Variants in DCHS2 observed in about 807,000 individuals in gnomAD.
DCHS2 encodes dachsous cadherin-related 2, also known as protocadherin-23.
In DCHS2, 142 loss-of-function variants were observed where a neutral mutation model predicts 182.4. The observed-to-expected ratio is 0.78, with a 90% confidence interval of 0.68 to 0.89. The LOEUF is 0.89. Among genes scored for constraint, DCHS2 ranks in the 40% least tolerant of loss-of-function variants. The pLI, the probability that DCHS2 is intolerant of heterozygous loss-of-function variation, is 0.00. For missense variants in DCHS2, 4,319 were observed against 4,198.6 expected (o/e 1.03, Z -0.79); for synonymous variants, 1,740 against 1,663.3 (o/e 1.05, Z -1.12).
intron 1 of DCHS2, among the ~76,000 whole-genome samples, chr4:154,433,663 G>C (rs1402247746): frequency 6.6e-6 from 1 of 152,024 alleles, no homozygotes; most frequent in Non-Finnish European, 1.5e-5. Flanking sequence ...CAAAGTGCTG[G>C]GATTACAGGC....
intron 10 of DCHS2, among the ~76,000 whole-genome samples, chr4:154,313,988 A>G (rs888002958): frequency 1.3e-5 from 2 of 152,206 alleles, no homozygotes; most frequent in African/African-American, 4.8e-5. Flanking sequence ...GACAGTAAAA[A>G]TCAGAAGAAT....
chr4:154,461,699 G>C (rs1026948176), intron 1 of DCHS2, among the ~76,000 whole-genome samples: 22 of 152,138 alleles, frequency 1.4e-4, no homozygotes, highest in African/African-American at 5.1e-4. Context: ...TGTATTGTAA[G>C]AAGGGATAAA....
intron 10 of DCHS2, among the ~76,000 whole-genome samples, chr4:154,313,912 C>A (rs1475428129): frequency 6.6e-6 from 1 of 152,044 alleles, no homozygotes; most frequent in Non-Finnish European, 1.5e-5. Context: ...AGTTTCAATT[C>A]AATTATAATT....
intron 1 of DCHS2, among the ~76,000 whole-genome samples, chr4:154,476,872 G>C (rs1443087686): frequency 6.6e-6 from 1 of 152,172 alleles, no homozygotes; most frequent in African/African-American, 2.4e-5. Flanking sequence ...GTGTTTATAA[G>C]ATGGGAACTT....
chr4:154,285,127 G>A (rs114856765), intron 13 of DCHS2, among the ~76,000 whole-genome samples: 2 of 151,972 alleles, frequency 1.3e-5, no homozygotes, highest in African/African-American at 4.8e-5. Flanking sequence ...CACACCCTGG[G>A]CCAGAAAGAA....
intron 13 of DCHS2, among the ~76,000 whole-genome samples, chr4:154,275,590 G>A (rs1733818027): frequency 6.6e-6 from 1 of 151,978 alleles, no homozygotes. Flanking sequence ...AGTACAATAT[G>A]TTTTATCCCC....
At chr4:154,251,980 T>A (rs1276734215) in intron 16 of DCHS2, among the ~76,000 whole-genome samples, 1 of 152,228 alleles carries the variant, frequency 6.6e-6, no homozygotes, top group Non-Finnish European at 1.5e-5. Context: ...AATTTTCTTC[T>A]ATGTGGCTTA....
intron 1 of DCHS2, among the ~76,000 whole-genome samples, chr4:154,456,872 G>A (rs1734790987): frequency 6.6e-6 from 1 of 152,042 alleles, no homozygotes; most frequent in East Asian, 1.9e-4. Context: ...GCTATAAGTA[G>A]GTAAACTGTT....
intron 1 of DCHS2, among the ~76,000 whole-genome samples, chr4:154,421,612 C>T (rs1321721052): frequency 6.6e-6 from 1 of 152,134 alleles, no homozygotes; most frequent in East Asian, 1.9e-4. Context: ...CCAGGCTGGT[C>T]TCGAACTCCT....
At chr4:154,342,033 GCTTTATTCC>G (rs1729135255) in intron 3 of DCHS2, among the ~76,000 whole-genome samples, 7 of 151,946 alleles carry the variant, frequency 4.6e-5, no homozygotes, top group Admixed American at 4.6e-4. Context: ...GGTACTGTGG[GCTTTATTCC>G]AGACCACTGC....
intron 1 of DCHS2, among the ~76,000 whole-genome samples, chr4:154,488,082 G>A (rs528814156): frequency 6.6e-5 from 10 of 152,174 alleles, no homozygotes; most frequent in Non-Finnish European, 1.5e-4. Context: ...GGAGACTGAG[G>A]TGGGAGAATC....
chr4:154,253,213 T>C (rs928157067), intron 16 of DCHS2, among the ~76,000 whole-genome samples: 2 of 150,136 alleles, frequency 1.3e-5, no homozygotes, highest in African/African-American at 5.0e-5. Flanking sequence ...GTGTGTGTTG[T>C]TACCTGTGTG....
intron 1 of DCHS2, among the ~76,000 whole-genome samples, chr4:154,400,739 G>A (rs1461186607): frequency 1.3e-5 from 2 of 152,102 alleles, no homozygotes; most frequent in Non-Finnish European, 2.9e-5. Context: ...ACTCATGCTA[G>A]CTACAAAATC....
rs1251499531 is a variant in DCHS2, at chr4:154,233,546, G to C, written c.*990C>G. 4 of 152,094 alleles carry C rather than the reference G, an allele frequency of 2.6e-5. No homozygotes were observed. The highest frequency in any genetic ancestry group is 4.4e-5 in the Non-Finnish European group (3 of 68,008). The allele number at this position is 152,094 out of a possible 1,614,324, so 9.4% of individuals were successfully genotyped here. On this transcript the variant is annotated 3_prime_UTR_variant, in exon 20 of 20. Transcript: ENST00000357232. The stretch of plus-strand genomic sequence containing the variant: ...AATTACTCTATGAGATTTATCATTA[G>C]CTAATGACATGATTTTTATCTACAC...
intron 3 of DCHS2, chr4:154,355,778 C>T (rs1165840667): frequency 6.6e-6 from 1 of 151,966 alleles, no homozygotes; most frequent in East Asian, 1.9e-4. Flanking sequence ...CATAATAGTC[C>T]TAATGTCATA....
Position 154,320,515 on chromosome 4 carries a change from G to A in DCHS2, c.4884C>T (p.Val1628=). The A allele has an allele frequency of 6.2e-7, 1 of 1,614,026 alleles. No individual in the cohort carries two copies. Among genetic ancestry groups the A allele is most frequent in the Non-Finnish European group, 8.5e-7 (1 of 1,179,996 alleles). ...AGGAGCCCACTGTGACATCCTCTTT[G>A]ACATGGGCATTGGGGAAAGAAATAA... The part of the protein sequence containing the change: ...PTFISFPNAH[V]KEDVTVGSLV... The change falls in exon 9 of 20, where the codon GTC becomes GTT. Residue 1628 remains valine, a synonymous_variant. Transcript: ENST00000357232.
At chr4:154,416,193 G>T (rs1178251198) in intron 1 of DCHS2, among the ~76,000 whole-genome samples, 1 of 152,120 alleles carries the variant, frequency 6.6e-6, no homozygotes, top group Non-Finnish European at 1.5e-5. Context: ...GAAAGTTGGG[G>T]AGATCCCACA....
In DCHS2 at chr4:154,491,299, G is replaced by C. The variant is rs930487836; in HGVS notation, c.57C>G (p.Val19=). Residue 19 remains valine (V), a synonymous_variant, in exon 1 of 20, where the codon GTC becomes GTG. Transcript: ENST00000357232. ...TCCCGGGGAGCAGAAGGAGCTTCCCGACCGGAGCCCGCCGCTGCTGACGCC... is the reference window on the plus strand; with the variant it reads ...TCCCGGGGAGCAGAAGGAGCTTCCCCACCGGAGCCCGCCGCTGCTGACGCC... ...GEGRQQRRAP[V]GKLLLLPGRR... 18 of 1,548,414 alleles carry C rather than the reference G, an allele frequency of 1.2e-5. No homozygotes were observed. The highest frequency in any genetic ancestry group is 6.0e-5 in the South Asian group (5 of 83,882).
chr4:154,388,208 A>T (rs1336716239), intron 1 of DCHS2, among the ~76,000 whole-genome samples: 1 of 152,132 alleles, frequency 6.6e-6, no homozygotes, highest in South Asian at 2.1e-4. Flanking sequence ...CCAATCAGAA[A>T]AGAGTTGTTA....
Sources: gnomAD v4.1 joint callset for allele counts (sites outside exome capture counted in the v4.1 genomes callset) on GRCh38, gnomAD v4.1.1 for gene constraint, MANE v1.5 for transcripts, NCBI Gene and HGNC (gene_info 2026-07-23, HGNC 2026-07-21) for gene names.